The following ZNF652 variants were observed in gnomAD, a reference collection of about 807,000 sequenced individuals.
ZNF652 encodes zinc finger protein 652.
In ZNF652, 16 loss-of-function variants were observed where a neutral mutation model predicts 45.2. The observed-to-expected ratio is 0.35, with a 90% CI of 0.24 to 0.54. The LOEUF (loss-of-function observed/expected upper bound fraction) is 0.54. ZNF652 is among the 20% of genes least tolerant of loss of function. The probability of loss-of-function intolerance (pLI) is 0.91; values close to 1 mark genes in which losing one functional copy is unlikely to be tolerated. For synonymous variants in ZNF652, 250 were observed against 260.6 expected, an observed-to-expected ratio of 0.96 and a Z score of 0.39; for missense variants, 614 against 765.6, an observed-to-expected ratio of 0.80 and a Z score of 2.34.
In ZNF652 at chr17:49,314,488, A is replaced by T. The variant is rs180760870; in HGVS notation, c.901-1643T>A. 3.2e-3 allele frequency among the ~76,000 whole-genome samples: 492 copies of T among 151,928 alleles called. 5 individuals are homozygous for T. The highest frequency in any genetic ancestry group is 0.011 in the African/African-American group (453 of 41,438). ...CTGTTTCTTTAAAAAATTAAAGAAA[A>T]TTTTTTTAGTCTAAACTTTAATTAA... On this transcript the variant is annotated intron_variant, in intron 2 of 5. Coordinates refer to ENST00000430262, the MANE Select transcript of ZNF652 (RefSeq NM_001145365.3).
At position 49,292,189 on chromosome 17, in the gene ZNF652, T is replaced by C. The variant is rs1376230374; in HGVS notation, c.*6224A>G. Among the ~76,000 whole-genome samples, 1 of 152,070 alleles carries C rather than the reference T, an allele frequency of 6.6e-6. No homozygotes were observed. Among genetic ancestry groups the C allele is most frequent in the African/African-American group, 2.4e-5 (1 of 41,422 alleles). ...CTTTCATTCACCTAAAAAAATGCAATCAAATCTCCTCATTTGAAAGAGTTC... is the reference window on the plus strand; with the variant it reads ...CTTTCATTCACCTAAAAAAATGCAACCAAATCTCCTCATTTGAAAGAGTTC... On this transcript the variant is annotated 3_prime_UTR_variant, in exon 6 of 6. Transcript: ENST00000430262.
chr17:49,304,892 A>G (rs71379353), intron 5 of ZNF652, among the ~76,000 whole-genome samples: 14 of 121,922 alleles, frequency 1.1e-4, no homozygotes, highest in Admixed American at 2.6e-4. Flanking sequence ...ATATATATAT[A>G]TATACACACA....
At chr17:49,356,473 A>C (rs2070338756) in intron 1 of ZNF652, among the ~76,000 whole-genome samples, 1 of 151,736 alleles carries the variant, frequency 6.6e-6, no homozygotes, top group South Asian at 2.1e-4. Flanking sequence ...AAAAAAACAA[A>C]AAAAACCCCT....
intron 1 of ZNF652, among the ~76,000 whole-genome samples, chr17:49,347,243 A>G (rs746257862): frequency 6.6e-6 from 1 of 152,222 alleles, no homozygotes; most frequent in Non-Finnish European, 1.5e-5. Context: ...ATTCCAGCTA[A>G]TAACTGAAAA....
intron 1 of ZNF652, among the ~76,000 whole-genome samples, chr17:49,336,771 C>T (rs533765714): frequency 2.6e-5 from 4 of 151,640 alleles, no homozygotes; most frequent in Non-Finnish European, 5.9e-5. Flanking sequence ...GGATTACAGG[C>T]GCATGCTACC....
intron 1 of ZNF652, among the ~76,000 whole-genome samples, chr17:49,351,113 G>C (rs1176383266): frequency 6.7e-6 from 1 of 148,640 alleles, no homozygotes; most frequent in Non-Finnish European, 1.5e-5. Context: ...GACATTATCA[G>C]GATTCTCGGT....
chr17:49,353,936 G>T (rs571817851), intron 1 of ZNF652, among the ~76,000 whole-genome samples: 1 of 152,042 alleles, frequency 6.6e-6, no homozygotes, highest in Admixed American at 6.6e-5. Flanking sequence ...CATCTTTAAA[G>T]AAATAAAAAA....
intron 1 of ZNF652, among the ~76,000 whole-genome samples, chr17:49,336,199 ATT>A (rs896493622): frequency 4.0e-5 from 6 of 150,716 alleles, no homozygotes; most frequent in Non-Finnish European, 5.9e-5. Flanking sequence ...TAATTTTTGT[ATT>A]TTTAGTAGAG....
At chr17:49,321,286 C>G (rs2069888055) in intron 1 of ZNF652, among the ~76,000 whole-genome samples, 1 of 151,870 alleles carries the variant, frequency 6.6e-6, no homozygotes. Flanking sequence ...TGTTTTGAGA[C>G]AGAATCTCAC....
chr17:49,352,843 T>C (rs2070296474), intron 1 of ZNF652, among the ~76,000 whole-genome samples: 1 of 152,150 alleles, frequency 6.6e-6, no homozygotes, highest in South Asian at 2.1e-4. Flanking sequence ...TAGAAAAATC[T>C]CAGCAGCATT....
At chr17:49,302,153 C>T (rs112192242) in intron 5 of ZNF652, among the ~76,000 whole-genome samples, 3 of 151,966 alleles carry the variant, frequency 2.0e-5, no homozygotes, top group African/African-American at 7.2e-5. Context: ...ACTGAACAAG[C>T]TGAGGTGGGA....
intron 1 of ZNF652, among the ~76,000 whole-genome samples, chr17:49,343,743 C>T (rs1233167512): frequency 1.3e-5 from 2 of 151,628 alleles, no homozygotes; most frequent in Admixed American, 1.3e-4. Flanking sequence ...TGCCCAGAGC[C>T]CTGGGTACAC....
chr17:49,313,821 A>G (rs2069753189), intron 2 of ZNF652, among the ~76,000 whole-genome samples: 2 of 151,352 alleles, frequency 1.3e-5, no homozygotes, highest in African/African-American at 4.9e-5. Context: ...AAAAATAAAA[A>G]AATTAGCCGG....
At chr17:49,308,739 T>G (rs1189574437) in intron 5 of ZNF652, among the ~76,000 whole-genome samples, 1 of 151,182 alleles carries the variant, frequency 6.6e-6, no homozygotes, top group Non-Finnish European at 1.5e-5. Context: ...GAGGTGGAGG[T>G]TGCAATGAGT....
At chr17:49,350,359 C>A (rs1378724851) in intron 1 of ZNF652, among the ~76,000 whole-genome samples, 1 of 151,586 alleles carries the variant, frequency 6.6e-6, no homozygotes, top group African/African-American at 2.4e-5. Context: ...GCCAACATGG[C>A]AAAATCCTGT....
chr17:49,355,435 G>A (rs2070325406), intron 1 of ZNF652, among the ~76,000 whole-genome samples: 1 of 151,850 alleles, frequency 6.6e-6, no homozygotes, highest in Non-Finnish European at 1.5e-5. Flanking sequence ...AAAGAAGCCA[G>A]GCATGGTGGT....
rs2069502494 is a variant in ZNF652 at position 49,298,353 on chromosome 17, C to T, written c.*60G>A. 1 of 1,598,490 alleles carries T rather than the reference C, an allele frequency of 6.3e-7. No individual in the cohort carries two copies. The highest frequency in any genetic ancestry group is 1.7e-5 in the Admixed American group (1 of 58,792). ...AACTAAGGAAATGCTCACCGACTCC[C>T]TCTGTGCACGCTCACACATGGGGAC... is the stretch of plus-strand genomic sequence containing the variant. On this transcript the variant is annotated 3_prime_UTR_variant, in exon 6 of 6. Transcript: ENST00000430262.
chr17:49,324,306 G>A (rs904096921), intron 1 of ZNF652, among the ~76,000 whole-genome samples: 2 of 152,200 alleles, frequency 1.3e-5, no homozygotes, highest in Non-Finnish European at 2.9e-5. Context: ...TCTAGCTTTG[G>A]CCTAAAGGAA....
intron 1 of ZNF652, among the ~76,000 whole-genome samples, chr17:49,351,014 T>TATACATAC (rs2070273379): frequency 4.0e-4 from 12 of 29,724 alleles, no homozygotes; most frequent in Non-Finnish European, 6.7e-4. Flanking sequence ...TATATATATA[T>TATACATAC]ACACACACAC....
Sources: gnomAD v4.1 joint callset for allele counts (sites outside exome capture counted in the v4.1 genomes callset) on GRCh38, gnomAD v4.1.1 for gene constraint, MANE v1.5 for transcripts, NCBI Gene and HGNC (gene_info 2026-07-23, HGNC 2026-07-21) for gene names.